The following ZNF813 variants were observed in gnomAD, a reference collection of about 807,000 sequenced individuals.
ZNF813 encodes zinc finger protein 813.
A neutral mutation model predicts 7.2 loss-of-function variants in ZNF813; 3 were observed. The ratio of observed to expected loss-of-function variants is 0.42; its 90% confidence interval spans 0.19 to 1.08. The LOEUF (loss-of-function observed/expected upper bound fraction) is 1.08. ZNF813 is among the 50% of genes least tolerant of loss of function. The probability of loss-of-function intolerance (pLI) is 0.30; values close to 1 mark genes in which losing one functional copy is unlikely to be tolerated. For missense variants in ZNF813, 714 were observed against 753.3 expected (o/e 0.95, Z 0.61); for synonymous variants, 227 against 256.3 (o/e 0.89, Z 1.09).
intron 1 of ZNF813, among the ~76,000 whole-genome samples, chr19:53,482,715 T>G (rs772046684): frequency 0.019 from 1,095 of 57,402 alleles, 19 homozygotes; most frequent in Middle Eastern, 0.032. Context: ...GCTTTTTGTT[T>G]TTTTTTTTTT....
At chr19:53,469,602 A>T (rs1053793508) in intron 1 of ZNF813, among the ~76,000 whole-genome samples, 2 of 152,184 alleles carry the variant, frequency 1.3e-5, no homozygotes, top group Non-Finnish European at 2.9e-5. Context: ...AGACATGCAG[A>T]GAAAAGCTAG....
At chr19:53,471,178 G>C (rs912351647) in intron 1 of ZNF813, among the ~76,000 whole-genome samples, 1 of 152,116 alleles carries the variant, frequency 6.6e-6, no homozygotes, top group Non-Finnish European at 1.5e-5. Flanking sequence ...CAGTGGGAGT[G>C]AGAAGAAACA....
At position 53,490,098 on chromosome 19, in the gene ZNF813, G is replaced by A. The variant is rs188436588; in HGVS notation, c.143-277G>A. Among the ~76,000 whole-genome samples the A allele has an allele frequency of 2.0e-3, 311 of 152,150 alleles. 2 individuals are homozygous for A. The highest frequency in any genetic ancestry group is 7.3e-3 in the African/African-American group (301 of 41,488). Reference sequence around the variant, plus strand: ...TTTTGCAAACTGTTAGACACTTTACGGTCACAGTGGAAAAATACTCCTTAC... The same window carrying A: ...TTTTGCAAACTGTTAGACACTTTACAGTCACAGTGGAAAAATACTCCTTAC... On this transcript the variant is annotated intron_variant, in intron 3 of 3. Coordinates refer to ENST00000396403, the MANE Select transcript of ZNF813 (RefSeq NM_001004301.4).
rs1600115614 is a variant in ZNF813, at chr19:53,490,893, G to A, written c.661G>A (p.Gly221Ser). 1 of 1,614,112 alleles carries A rather than the reference G, an allele frequency of 6.2e-7. No homozygotes were observed. Among genetic ancestry groups the A allele is most frequent in the East Asian group, 2.2e-5 (1 of 44,880 alleles). Reference sequence around the variant, plus strand: ...AAAGTCTTTCCAATGTAATGAGAGTGGCAAAGCCTTTAATTATAGCTCACT... The same window carrying A: ...AAAGTCTTTCCAATGTAATGAGAGTAGCAAAGCCTTTAATTATAGCTCACT... ...REKSFQCNES[G>S]KAFNYSSLLR... Residue 221 changes from glycine to serine, a missense_variant, in exon 4 of 4, where the codon GGC (glycine) becomes AGC (serine). Transcript: ENST00000396403.
chr19:53,496,047 C>T lies in ZNF813; in HGVS notation c.*3961C>T, dbSNP rs368160186. 1.3e-4 allele frequency: 42 copies of T among 334,828 alleles called. No individual in the cohort carries two copies. The highest frequency in any genetic ancestry group is 1.9e-4 in the Admixed American group (6 of 30,794). The allele number at this position is 334,828 out of a possible 1,614,324, so 20.7% of individuals were successfully genotyped here. On this transcript the variant is annotated 3_prime_UTR_variant, in exon 4 of 4. Coordinates refer to ENST00000396403, the MANE Select transcript of ZNF813 (RefSeq NM_001004301.4). ...GAAGCGGGGTCTATAAGGAATTGCA[C>T]GTGAGATGGCACACATATTTATGCT... is the stretch of plus-strand genomic sequence containing the variant.
At chr19:53,479,029 G>C (rs976404613) in intron 1 of ZNF813, among the ~76,000 whole-genome samples, 1 of 151,704 alleles carries the variant, frequency 6.6e-6, no homozygotes, top group Non-Finnish European at 1.5e-5. Context: ...CTGCCTCCTG[G>C]GTTCAAGTGA....
intron 1 of ZNF813, among the ~76,000 whole-genome samples, chr19:53,473,875 C>T (rs372827077): frequency 1.3e-5 from 2 of 152,278 alleles, no homozygotes; most frequent in East Asian, 1.9e-4. Flanking sequence ...GGGGGTGCAC[C>T]TGACTCAGAG....
At chr19:53,471,722 G>C (rs1402989288) in intron 1 of ZNF813, among the ~76,000 whole-genome samples, 3 of 150,788 alleles carry the variant, frequency 2.0e-5, no homozygotes, top group Non-Finnish European at 2.9e-5. Flanking sequence ...TGAGGCAGGA[G>C]AATGGCGTGA....
chr19:53,490,164 G>C (rs756907818), intron 3 of ZNF813, among the ~76,000 whole-genome samples: 1 of 152,124 alleles, frequency 6.6e-6, no homozygotes, highest in South Asian at 2.1e-4. Flanking sequence ...GTGTTTTGTC[G>C]TGATATTGGA....
chr19:53,473,643 TA>T (rs1219580011), intron 1 of ZNF813, among the ~76,000 whole-genome samples: 2 of 152,228 alleles, frequency 1.3e-5, no homozygotes, highest in African/African-American at 4.8e-5. Flanking sequence ...CTTTTTAACC[TA>T]AACAGAGTCT....
intron 1 of ZNF813, among the ~76,000 whole-genome samples, chr19:53,478,819 A>G (rs2086393720): frequency 6.6e-6 from 1 of 152,080 alleles, no homozygotes; most frequent in Non-Finnish European, 1.5e-5. Flanking sequence ...TAAAAAACAA[A>G]AGGGACATCA....
Position 53,490,611 on chromosome 19 carries a change from G to T in ZNF813, c.379G>T (p.Asp127Tyr). The change falls in exon 4 of 4, where the codon GAT becomes TAT. Residue 127 changes from aspartate (D) to tyrosine (Y), a missense_variant. Physicochemically the swap from Asp to Tyr is radical, Grantham distance 160. This residue lies in a region of ZNF813 where 563 missense variants were observed against 554.2 expected (regional missense o/e 1.02). Coordinates refer to ENST00000396403, the MANE Select transcript of ZNF813 (RefSeq NM_001004301.4). ...GTTGACTGGTAGTGCAGACCGATAT[G>T]ATCAAAGGCATGCTGGAAACAAGCC... Reference protein sequence around the residue: ...KKLTGSADRYDQRHAGNKPIK... With the variant: ...KKLTGSADRYYQRHAGNKPIK... The T allele has an allele frequency of 6.2e-7, 1 of 1,614,180 alleles. No homozygotes were observed. The highest frequency in any genetic ancestry group is 8.5e-7 in the Non-Finnish European group (1 of 1,180,032).
At chr19:53,472,480 A>T (rs1349695481) in intron 1 of ZNF813, among the ~76,000 whole-genome samples, 1 of 151,902 alleles carries the variant, frequency 6.6e-6, no homozygotes, top group East Asian at 1.9e-4. Context: ...TTTAAGAGGG[A>T]ACTTTCTTTT....
chr19:53,470,707 A>G (rs1422544168), intron 1 of ZNF813, among the ~76,000 whole-genome samples: 1 of 149,388 alleles, frequency 6.7e-6, no homozygotes, highest in African/African-American at 2.5e-5. Context: ...CTAAGTCTGG[A>G]CTGGAACATG....
In ZNF813 at chr19:53,471,809, C is replaced by CA. The variant is rs57761931; in HGVS notation, c.-74+4037dup. Reference sequence around the variant, plus strand: ...CCTGCGTGACAGAGTGAGACTGTCTCAAAAAAAAAAAAAAAAAGTGCTAGG... The same window carrying CA: ...CCTGCGTGACAGAGTGAGACTGTCTCAAAAAAAAAAAAAAAAAAGTGCTAGG... On this transcript the variant is annotated intron_variant, in intron 1 of 3. Transcript: ENST00000396403. Among the ~76,000 whole-genome samples, 134 of 121,094 alleles carry CA rather than the reference C, an allele frequency of 1.1e-3. 6 individuals carry two copies. The South Asian group carries it at 0.013, about 12-fold the overall frequency. 79.4% of individuals were successfully genotyped at this position (121,094 alleles called of 152,430 possible).
intron 1 of ZNF813, among the ~76,000 whole-genome samples, chr19:53,480,677 G>GTTTAACCAGTTAGTGTATTTTTCAGTT (rs2086403967): frequency 6.6e-6 from 1 of 152,194 alleles, no homozygotes; most frequent in African/African-American, 2.4e-5. Flanking sequence ...TCAAAATGTA[G>GTTTAACCAGTTAGTGTATTTTTCAGTT]TTTAACCAGT....
chr19:53,468,249 C>G (rs561015667), intron 1 of ZNF813, among the ~76,000 whole-genome samples: 2 of 140,908 alleles, frequency 1.4e-5, no homozygotes, highest in Admixed American at 1.4e-4. Context: ...CTCCTCCTGC[C>G]GGGCCCTGCT....
chr19:53,471,719 G>GCCACTC (rs2086359774), intron 1 of ZNF813, among the ~76,000 whole-genome samples: 1 of 149,610 alleles, frequency 6.7e-6, no homozygotes, highest in Non-Finnish European at 1.5e-5. Flanking sequence ...GGCTGAGGCA[G>GCCACTC]GAGAATGGCG....
At chr19:53,472,611 CTTTTTTTTT>C (rs1166123869) in intron 1 of ZNF813, among the ~76,000 whole-genome samples, 1 of 128,410 alleles carries the variant, frequency 7.8e-6, no homozygotes, top group East Asian at 2.3e-4. Flanking sequence ...ACAAGTCTTT[CTTTTTTTTT>C]TTTTTTTTTG....
Sources: allele counts gnomAD v4.1 joint callset (sites outside exome capture counted in the v4.1 genomes callset), GRCh38; gene constraint gnomAD v4.1.1; regional missense constraint gnomAD v4.1.1; transcripts MANE v1.5; gene names NCBI Gene and HGNC (gene_info 2026-07-23, HGNC 2026-07-21).